The following CDH11 variants were observed in gnomAD, a reference collection of about 807,000 sequenced individuals.
The protein encoded by CDH11 is cadherin 11.
Under a neutral mutation model 67.8 loss-of-function variants are expected in CDH11, and 11 were observed. The observed-to-expected ratio is 0.16, with a 90% CI of 0.10 to 0.27. The LOEUF (loss-of-function observed/expected upper bound fraction) is 0.27, where lower values mean the gene tolerates loss of function less well. Among genes scored for constraint, CDH11 ranks in the 10% least tolerant of loss-of-function variants. CDH11 has a pLI of 1.00. For synonymous variants in CDH11, 419 were observed against 400.0 expected (o/e 1.05, Z -0.57); for missense variants, 847 against 1,031.2 (o/e 0.82, Z 2.45).
At chr16:65,053,779 G>A in intron 2 of CDH11, 25 bp downstream of exon 2, 1 of 455,898 alleles carries the variant, frequency 2.2e-6, no homozygotes, top group South Asian at 1.5e-5. Flanking sequence ...TATGTGAATT[G>A]TTCAGTAATA....
intron 12 of CDH11, among the ~76,000 whole-genome samples, chr16:64,949,876 C>T (rs2071310115): frequency 6.6e-6 from 1 of 152,146 alleles, no homozygotes; most frequent in Non-Finnish European, 1.5e-5. Flanking sequence ...TCTTTATCCC[C>T]CAGGACCTAA....
intron 1 of CDH11, chr16:65,059,411 G>A (rs1158654973): frequency 6.6e-6 from 1 of 152,162 alleles, no homozygotes; most frequent in East Asian, 1.9e-4. Context: ...TTCTAAGTAA[G>A]CCATGCTTTT....
chr16:65,107,939 G>A (rs1401505002), intron 1 of CDH11, among the ~76,000 whole-genome samples: 3 of 152,124 alleles, frequency 2.0e-5, no homozygotes, highest in Non-Finnish European at 1.5e-5. Flanking sequence ...AGCATTGCAA[G>A]GGCTGATCTG....
intron 11 of CDH11, among the ~76,000 whole-genome samples, chr16:64,966,813 T>C (rs569922315): frequency 2.6e-5 from 4 of 152,204 alleles, no homozygotes; most frequent in African/African-American, 9.6e-5. Context: ...TAAAAGAACA[T>C]TAAAACATTA....
Position 65,025,917 on chromosome 16 carries a change from G to A in CDH11, c.-172-20876C>T, listed in dbSNP as rs1520228. On this transcript the variant is annotated intron_variant, in intron 2 of 12. Coordinates refer to ENST00000268603, the MANE Select transcript of CDH11 (RefSeq NM_001797.4). Reference sequence around the variant, plus strand: ...ATGGTGCAGGTAGTGGGGAGAGGAGGGATAGCTGATCCCTGAAAGGAAATG... The same window carrying A: ...ATGGTGCAGGTAGTGGGGAGAGGAGAGATAGCTGATCCCTGAAAGGAAATG... Among the ~76,000 whole-genome samples, 2,537 of 152,132 alleles carry A rather than the reference G, an allele frequency of 0.017. 107 individuals are homozygous for A. The East Asian group carries it at 0.17, about 10-fold the overall frequency.
chr16:65,109,873 ATGTTTGTTTGTT>A lies in CDH11; in HGVS notation c.-298+11995_-298+12006del, dbSNP rs146439648. Among the ~76,000 whole-genome samples the A allele has an allele frequency of 5.7e-4, 87 of 151,800 alleles. No individual in the cohort carries two copies. In the East Asian group the frequency reaches 0.012, roughly 22 times the overall value. ...TGCTCAACACAAATTGGACTATTCA[ATGTTTGTTTGTT>A]TGTTTGTTTGTTTTAAGACAGGGTC... On this transcript the variant is annotated intron_variant, in intron 1 of 12. Transcript: ENST00000268603.
At chr16:65,051,730 T>C (rs570342945) in intron 2 of CDH11, among the ~76,000 whole-genome samples, 4 of 152,274 alleles carry the variant, frequency 2.6e-5, no homozygotes, top group African/African-American at 9.6e-5. Context: ...CAAGATCTGA[T>C]AGTTTTATAA....
intron 1 of CDH11, among the ~76,000 whole-genome samples, chr16:65,090,244 T>C (rs1366622502): frequency 6.6e-6 from 1 of 152,188 alleles, no homozygotes; most frequent in African/African-American, 2.4e-5. Context: ...TGATCTAGTA[T>C]TGGGTTTATA....
chr16:65,037,072 T>G (rs1389141721), intron 2 of CDH11, among the ~76,000 whole-genome samples: 1 of 152,120 alleles, frequency 6.6e-6, no homozygotes, highest in African/African-American at 2.4e-5. Flanking sequence ...ACCACATCAC[T>G]GCAGCCTGCT....
intron 1 of CDH11, among the ~76,000 whole-genome samples, chr16:65,069,040 C>T (rs1216325389): frequency 2.6e-5 from 4 of 152,176 alleles, no homozygotes; most frequent in African/African-American, 4.8e-5. Context: ...AGGACCTTGT[C>T]GGTATTGCAA....
chr16:64,981,423 T>C (rs1597048205), intron 8 of CDH11: 2 of 1,608 alleles, frequency 1.2e-3, no homozygotes, highest in African/African-American at 4.4e-3. Context: ...CTGGATCACA[T>C]TTTTTTTGTC....
At position 65,121,954 on chromosome 16, in the gene CDH11, C is replaced by T. The variant is rs1259640249; in HGVS notation, c.-372G>A. The T allele has an allele frequency of 4.3e-6, 3 of 701,728 alleles. No individual in the cohort carries two copies. Among genetic ancestry groups the T allele is most frequent in the Non-Finnish European group, 7.8e-6 (3 of 384,582 alleles). The allele number at this position is 701,728 out of a possible 1,614,324, so 43.5% of individuals were successfully genotyped here. On this transcript the variant is annotated 5_prime_UTR_variant, in exon 1 of 13. Transcript: ENST00000268603. The surrounding 1 kb of genome is among the most constrained non-coding windows in gnomAD (Gnocchi z 4.1). ...CAGGGCAAGCGCTGCGGTGTCAGTC[C>T]CGGCCCCAGTCCCGGTCCCATTCAC...
intron 11 of CDH11, among the ~76,000 whole-genome samples, chr16:64,952,673 T>TAC (rs375383391): frequency 0.06 from 8,275 of 138,526 alleles, 335 homozygotes; most frequent in South Asian, 0.18. Flanking sequence ...CACACACACA[T>TAC]ACACACACAC....
intron 1 of CDH11, among the ~76,000 whole-genome samples, chr16:65,099,865 T>G (rs192871553): frequency 1.5e-3 from 221 of 152,134 alleles, no homozygotes; most frequent in Non-Finnish European, 1.9e-3. Context: ...CAATGAACTC[T>G]TCATGCAGTT....
intron 2 of CDH11, among the ~76,000 whole-genome samples, chr16:65,050,171 A>G (rs1567549016): frequency 6.6e-6 from 1 of 152,026 alleles, no homozygotes; most frequent in Non-Finnish European, 1.5e-5. Context: ...TCTACTGAAA[A>G]CCCAGCAAGG....
intron 7 of CDH11, chr16:64,985,581 T>C (rs1391435498): frequency 6.6e-6 from 1 of 151,762 alleles, no homozygotes; most frequent in East Asian, 1.9e-4. Flanking sequence ...CCACAAGAAG[T>C]CATTCATGTC....
At chr16:64,959,353 C>T (rs2071608917) in intron 11 of CDH11, among the ~76,000 whole-genome samples, 1 of 152,104 alleles carries the variant, frequency 6.6e-6, no homozygotes, top group South Asian at 2.1e-4. Flanking sequence ...GTAATTTTCT[C>T]CTTGTTGGTA....
chr16:65,097,498 T>C (rs2074919493), intron 1 of CDH11, among the ~76,000 whole-genome samples: 1 of 152,212 alleles, frequency 6.6e-6, no homozygotes, highest in Non-Finnish European at 1.5e-5. Context: ...TCCTGTGCAC[T>C]GCAGGACGTC....
At chr16:65,061,290 C>T (rs867182131) in intron 1 of CDH11, among the ~76,000 whole-genome samples, 32 of 152,096 alleles carry the variant, frequency 2.1e-4, no homozygotes, top group African/African-American at 6.3e-4. Context: ...AATAAATGAA[C>T]GGTAGTAATT....
Sources: gnomAD v4.1 joint callset for allele counts (sites outside exome capture counted in the v4.1 genomes callset) on GRCh38, gnomAD v4.1.1 for gene constraint, Gnocchi (gnomAD v3.1) non-coding constraint, MANE v1.5 for transcripts, NCBI Gene and HGNC (gene_info 2026-07-23, HGNC 2026-07-21) for gene names.